AGAP1: variants seen among roughly 807,000 people sequenced by gnomAD.
AGAP1 encodes arf-GAP with GTPase, ANK repeat and PH domain-containing protein 1.
Under a neutral mutation model 105.3 loss-of-function variants are expected in AGAP1, and 29 were observed. The ratio of observed to expected loss-of-function variants is 0.28; its 90% CI spans 0.21 to 0.38. The LOEUF (loss-of-function observed/expected upper bound fraction) is 0.38. AGAP1 is among the 10% of genes least tolerant of loss of function. The probability of loss-of-function intolerance (pLI) is 1.00; values close to 1 mark genes in which losing one functional copy is unlikely to be tolerated. For missense variants in AGAP1, 998 were observed against 1,165.1 expected (o/e 0.86, Z 2.09); for synonymous variants, 509 against 485.9 (o/e 1.05, Z -0.63).
chr2:235,501,466 A>G (rs116944600), intron 1 of AGAP1, among the ~76,000 whole-genome samples: 1 of 152,312 alleles, frequency 6.6e-6, no homozygotes, highest in East Asian at 1.9e-4. Context: ...GACAGGAGCT[A>G]GATGTTACTA....
At chr2:235,513,522 G>GAA (rs5839595) in intron 1 of AGAP1, among the ~76,000 whole-genome samples, 12 of 73,170 alleles carry the variant, frequency 1.6e-4, no homozygotes, top group Non-Finnish European at 2.4e-4. Context: ...CTCCGTCTCA[G>GAA]AAAAAAAAAA....
At chr2:235,897,559 C>T (rs550435897) in intron 10 of AGAP1, among the ~76,000 whole-genome samples, 2 of 152,282 alleles carry the variant, frequency 1.3e-5, no homozygotes, top group South Asian at 2.1e-4. Context: ...CAGTATGCCG[C>T]GTGATATGTC....
At position 235,970,936 on chromosome 2, in the gene AGAP1, C is replaced by T. The variant is rs1165635386; in HGVS notation, c.1645+2313C>T. The stretch of plus-strand genomic sequence containing the variant: ...CAAGCAGCAAATGGGGGCCCCTTTC[C>T]TTAAAGGGTCTTACTGCTGAGGTGG... On this transcript the variant is annotated intron_variant, in intron 13 of 17. Coordinates refer to ENST00000304032, the MANE Select transcript of AGAP1 (RefSeq NM_001037131.3). This position sits in a 1 kb window ranked among gnomAD's most constrained non-coding sequence, Gnocchi z 5.4. Among the ~76,000 whole-genome samples the T allele has an allele frequency of 1.3e-5, 2 of 152,150 alleles. No individual in the cohort carries two copies. The highest frequency in any genetic ancestry group is 4.8e-5 in the African/African-American group (2 of 41,436).
chr2:235,654,182 C>G (rs1347708426), intron 1 of AGAP1, among the ~76,000 whole-genome samples: 1 of 152,202 alleles, frequency 6.6e-6, no homozygotes, highest in Non-Finnish European at 1.5e-5. Context: ...TTATTTCAAT[C>G]TGGATTGGGA....
intron 1 of AGAP1, among the ~76,000 whole-genome samples, chr2:235,687,899 CTTT>C (rs10670064): frequency 6.6e-4 from 59 of 89,652 alleles, no homozygotes; most frequent in Non-Finnish European, 9.2e-4. Flanking sequence ...CGCTCTCTGA[CTTT>C]TTTTTTTTTT....
chr2:235,769,418 T>C lies in AGAP1; in HGVS notation c.673+18930T>C, dbSNP rs1955237884. On this transcript the variant is annotated intron_variant, in intron 6 of 17. Coordinates refer to ENST00000304032, the MANE Select transcript of AGAP1 (RefSeq NM_001037131.3). The surrounding 1 kb of genome is among the most constrained non-coding windows in gnomAD (Gnocchi z 4.4). ...GCAGAAAATTGTTGGCATTGCATCA[T>C]TGGCTTATGCTACTAAATAATGTTT... Among the ~76,000 whole-genome samples, 1 of 152,252 alleles carries C rather than the reference T, an allele frequency of 6.6e-6. No individual in the cohort carries two copies. The highest frequency in any genetic ancestry group is 6.5e-5 in the Admixed American group (1 of 15,288).
chr2:235,917,614 G>C (rs965113438), intron 11 of AGAP1, among the ~76,000 whole-genome samples: 8 of 152,086 alleles, frequency 5.3e-5, no homozygotes, highest in African/African-American at 1.9e-4. Flanking sequence ...GGTGCACTTG[G>C]GGGAGAGATG....
rs1287806912 is a variant in AGAP1 at position 235,889,506 on chromosome 2, TTC to T, written c.1155+6061_1155+6062del. 6.6e-6 allele frequency among the ~76,000 whole-genome samples: 1 copy of T among 151,912 alleles called. No homozygotes were observed. Among genetic ancestry groups the T allele is most frequent in the East Asian group, 1.9e-4 (1 of 5,154 alleles). On this transcript the variant is annotated intron_variant, in intron 10 of 17. Coordinates refer to ENST00000304032, the MANE Select transcript of AGAP1 (RefSeq NM_001037131.3). The surrounding 1 kb of genome is among the most constrained non-coding windows in gnomAD (Gnocchi z 4.6). Reference sequence around the variant, plus strand: ...TCCTTCCCACTTAATTGCTTTGGATTTCTCTTTCCTTTCTCGTCATCCCCCAA... The same window carrying T: ...TCCTTCCCACTTAATTGCTTTGGATTTCTTTCCTTTCTCGTCATCCCCCAA...
intron 13 of AGAP1, among the ~76,000 whole-genome samples, chr2:235,991,312 C>A (rs1352579145): frequency 2.0e-5 from 3 of 152,202 alleles, no homozygotes; most frequent in African/African-American, 4.8e-5. Context: ...TCTCCACATA[C>A]AATTATATTC....
chr2:236,042,669 G>A lies in AGAP1; in HGVS notation c.1891+1828G>A, dbSNP rs900365948. On this transcript the variant is annotated intron_variant, in intron 15 of 17. Transcript: ENST00000304032. The surrounding 1 kb of genome is among the most constrained non-coding windows in gnomAD (Gnocchi z 5.6). The stretch of plus-strand genomic sequence containing the variant: ...CATGATACCTGGCAAATCGGAGGTC[G>A]CAGGTCCTGTCTGAGATGAGCTTGT... 1.8e-4 allele frequency among the ~76,000 whole-genome samples: 27 copies of A among 152,222 alleles called. No individual in the cohort carries two copies. Among genetic ancestry groups the A allele is most frequent in the Admixed American group, 9.8e-4 (15 of 15,302 alleles).
rs753173260 is a variant in AGAP1 at position 235,973,328 on chromosome 2, C to T, written c.1645+4705C>T. Among the ~76,000 whole-genome samples the T allele has an allele frequency of 1.3e-5, 2 of 152,232 alleles. No homozygotes were observed. The highest frequency in any genetic ancestry group is 2.9e-5 in the Non-Finnish European group (2 of 68,044). On this transcript the variant is annotated intron_variant, in intron 13 of 17. Transcript: ENST00000304032. This position sits in a 1 kb window ranked among gnomAD's most constrained non-coding sequence, Gnocchi z 4.7. ...TGAATCGGAGGAATCTGGAAAGTTA[C>T]AGAAGCAGGGACGGTGACTGGAGAA...
At chr2:236,034,583 C>G (rs1437023298) in intron 13 of AGAP1, among the ~76,000 whole-genome samples, 3 of 152,160 alleles carry the variant, frequency 2.0e-5, no homozygotes, top group Non-Finnish European at 4.4e-5. Context: ...ACCAGGGTGA[C>G]TGAGAGCACA....
intron 6 of AGAP1, among the ~76,000 whole-genome samples, chr2:235,756,210 C>T (rs748479969): frequency 5.3e-5 from 8 of 152,184 alleles, no homozygotes; most frequent in Admixed American, 1.3e-4. Context: ...GTGTTCGGAG[C>T]TTTCTCTGCT....
At chr2:235,937,336 T>G (rs2125190131) in intron 12 of AGAP1, among the ~76,000 whole-genome samples, 1 of 152,328 alleles carries the variant, frequency 6.6e-6, no homozygotes, top group South Asian at 2.1e-4. Context: ...GGCAGAAGCG[T>G]CCTGGGGTAA....
At chr2:235,704,849 A>G (rs73124478) in intron 1 of AGAP1, among the ~76,000 whole-genome samples, 8,300 of 152,198 alleles carry the variant, frequency 0.055, 765 homozygotes, top group African/African-American at 0.19. Context: ...GTCCAGAGGC[A>G]GCAGCAGGGA....
intron 9 of AGAP1, among the ~76,000 whole-genome samples, chr2:235,878,852 C>A (rs1422390319): frequency 6.6e-6 from 1 of 152,322 alleles, no homozygotes; most frequent in Non-Finnish European, 1.5e-5. Flanking sequence ...CATGAAGTCT[C>A]ACTTCTCTCC....
rs1301124636 is a variant in AGAP1, at chr2:235,729,106, G to A, written c.310+11462G>A. On this transcript the variant is annotated intron_variant, in intron 3 of 17. Coordinates refer to ENST00000304032, the MANE Select transcript of AGAP1 (RefSeq NM_001037131.3). The surrounding 1 kb of genome is among the most constrained non-coding windows in gnomAD (Gnocchi z 5.0). ...TATTAGCAGGAGCACTGGCTTTGGA[G>A]GGGGACCTAAGAGGACAGATAGGGG... Among the ~76,000 whole-genome samples, 1 of 152,150 alleles carries A rather than the reference G, an allele frequency of 6.6e-6. No individual in the cohort carries two copies. Among genetic ancestry groups the A allele is most frequent in the East Asian group, 1.9e-4 (1 of 5,184 alleles).
At chr2:235,785,908 A>T (rs755931336) in intron 6 of AGAP1, among the ~76,000 whole-genome samples, 2 of 84,122 alleles carry the variant, frequency 2.4e-5, no homozygotes, top group Non-Finnish European at 5.5e-5. Flanking sequence ...TGGGCCTTTT[A>T]AAAAAAACGT....
Position 235,741,169 on chromosome 2 carries a change from A to G in AGAP1, c.396+121A>G. Reference sequence around the variant, plus strand: ...CAAAAAAGTGGAAACCCCATAAAAAATGTTTCCTCTCACTGCATTTTTTTC... The same window carrying G: ...CAAAAAAGTGGAAACCCCATAAAAAGTGTTTCCTCTCACTGCATTTTTTTC... On this transcript the variant is annotated intron_variant, in intron 4 of 17. Transcript: ENST00000304032. This position sits in a 1 kb window ranked among gnomAD's most constrained non-coding sequence, Gnocchi z 4.9. 1 of 736,974 alleles carries G rather than the reference A, an allele frequency of 1.4e-6. No homozygotes were observed. The highest frequency in any genetic ancestry group is 2.9e-5 in the East Asian group (1 of 33,926). 45.7% of individuals were successfully genotyped at this position (736,974 alleles called of 1,614,324 possible).
Sources: allele counts gnomAD v4.1 joint callset (sites outside exome capture counted in the v4.1 genomes callset), GRCh38; gene constraint gnomAD v4.1.1; non-coding constraint Gnocchi (gnomAD v3.1); transcripts MANE v1.5; gene names NCBI Gene and HGNC (gene_info 2026-07-23, HGNC 2026-07-21).